Variants in SLC4A8 observed in about 807,000 individuals in gnomAD.
SLC4A8 encodes the protein solute carrier family 4 member 8.
Under a neutral mutation model 125.0 loss-of-function variants are expected in SLC4A8, and 40 were observed. That is an observed-to-expected ratio of 0.32 (90% CI 0.25 to 0.42). The LOEUF is 0.42. Among genes scored for constraint, SLC4A8 ranks in the 10% least tolerant of loss-of-function variants. The pLI is 1.00. For synonymous variants in SLC4A8, 456 were observed against 476.0 expected, an observed-to-expected ratio of 0.96 and a Z score of 0.55; for missense variants, 863 against 1,355.1, an observed-to-expected ratio of 0.64 and a Z score of 5.70.
chr12:51,417,748 C>A (rs1948714242), intron 1 of SLC4A8, among the ~76,000 whole-genome samples: 2 of 152,280 alleles, frequency 1.3e-5, no homozygotes, highest in African/African-American at 4.8e-5. Context: ...GAACTCCTGA[C>A]CTCGTGATCT....
chr12:51,448,385 A>G (rs144414568), intron 2 of SLC4A8, among the ~76,000 whole-genome samples: 1 of 152,386 alleles, frequency 6.6e-6, no homozygotes, highest in East Asian at 1.9e-4. Context: ...GGCCATGAAC[A>G]GAAACATGGA....
intron 16 of SLC4A8, among the ~76,000 whole-genome samples, chr12:51,475,521 A>G (rs1950831764): frequency 6.6e-6 from 1 of 152,246 alleles, no homozygotes; most frequent in African/African-American, 2.4e-5. Flanking sequence ...ATTCTGAGAC[A>G]CTTAACACAC....
At position 51,463,686 on chromosome 12, in the gene SLC4A8, A is replaced by G; in HGVS notation, c.1321A>G (p.Ser441Gly). Reference sequence around the variant, plus strand: ...AGAACAGGAACCACATGGGGGTCACAGTGGGCCAGAACTTCAGCGCACTGG... The same window carrying G: ...AGAACAGGAACCACATGGGGGTCACGGTGGGCCAGAACTTCAGCGCACTGG... Reference protein sequence around the residue: ...HIEQEPHGGHSGPELQRTGRL... With the variant: ...HIEQEPHGGHGGPELQRTGRL... Residue 441 changes from serine to glycine, a missense_variant, in exon 11 of 25, where the codon AGT becomes GGT. Physicochemically the swap from Ser to Gly is moderately conservative, Grantham distance 56. This residue lies in a region of SLC4A8 where 390 missense variants were observed against 634.4 expected (regional missense o/e 0.61). Coordinates refer to ENST00000453097, the MANE Select transcript of SLC4A8 (RefSeq NM_001039960.3). 6.2e-7 allele frequency: 1 copy of G among 1,613,974 alleles called. No homozygotes were observed. Among genetic ancestry groups the G allele is most frequent in the Non-Finnish European group, 8.5e-7 (1 of 1,179,820 alleles).
intron 16 of SLC4A8, among the ~76,000 whole-genome samples, chr12:51,483,612 A>T (rs1260880481): frequency 1.3e-5 from 2 of 151,560 alleles, no homozygotes; most frequent in African/African-American, 2.4e-5. Flanking sequence ...AATAAATGGC[A>T]TTTTTTTTGC....
At chr12:51,447,964 C>G (rs1049162682) in intron 2 of SLC4A8, among the ~76,000 whole-genome samples, 8 of 152,136 alleles carry the variant, frequency 5.3e-5, no homozygotes, top group Non-Finnish European at 1.2e-4. Context: ...TGTGATCCGC[C>G]TGCCTCGGCC....
At chr12:51,434,583 A>G (rs1321579897) in intron 1 of SLC4A8, among the ~76,000 whole-genome samples, 1 of 152,210 alleles carries the variant, frequency 6.6e-6, no homozygotes, top group Non-Finnish European at 1.5e-5. Flanking sequence ...AAATTAAGGA[A>G]ACTAACAAAC....
rs1265331071 is a variant in SLC4A8 at position 51,512,746 on chromosome 12, A to G, written c.*5308A>G. The G allele has an allele frequency of 6.6e-6, 1 of 152,112 alleles. No homozygotes were observed. The highest frequency in any genetic ancestry group is 1.5e-5 in the Non-Finnish European group (1 of 68,022). 9.4% of individuals were successfully genotyped at this position (152,112 alleles called of 1,614,324 possible). ...TGTTACTACTAGTCTTTGTGTACCT[A>G]TCTGGAGGGACATTAAAAAAATATG... On this transcript the variant is annotated 3_prime_UTR_variant, in exon 25 of 25. Transcript: ENST00000453097.
At chr12:51,454,313 C>A (rs1592210919) in intron 5 of SLC4A8, among the ~76,000 whole-genome samples, 1 of 152,088 alleles carries the variant, frequency 6.6e-6, no homozygotes, top group South Asian at 2.1e-4. Context: ...CCCTACACAC[C>A]TGTGGGTGTT....
intron 14 of SLC4A8, among the ~76,000 whole-genome samples, chr12:51,472,076 C>A (rs115277656): frequency 6.6e-6 from 1 of 152,170 alleles, no homozygotes; most frequent in African/African-American, 2.4e-5. Flanking sequence ...TAGATTTCAA[C>A]TTAAGAGATT....
Position 51,410,871 on chromosome 12 carries a change from CTTTTCT to C in SLC4A8, c.-112+19388_-112+19393del, listed in dbSNP as rs1330617598. ...AACAATCTTTCTTTTCTTTTCTTTT[CTTTTCT>C]TTTTTTTTTTTTTTTGAGACAGGCT... On this transcript the variant is annotated intron_variant, in intron 1 of 24. Transcript: ENST00000358657. Among the ~76,000 whole-genome samples the C allele has an allele frequency of 3.3e-4, 44 of 131,498 alleles. 1 individual carries two copies. The highest frequency in any genetic ancestry group is 4.1e-3 in the Middle Eastern group (1 of 246). 86.3% of individuals were successfully genotyped at this position (131,498 alleles called of 152,430 possible). A position where few individuals can be genotyped will look rare whatever the true frequency, so the allele number is the denominator to read the frequency against.
chr12:51,392,680 C>T (rs529643168), intron 1 of SLC4A8: 10 of 152,078 alleles, frequency 6.6e-5, no homozygotes, highest in African/African-American at 2.4e-4. Context: ...GTTTTAAAAG[C>T]CCTCCGGGTG....
At position 51,508,123 on chromosome 12, in the gene SLC4A8, A is replaced by T. The variant is rs1938244907; in HGVS notation, c.*685A>T. 6.6e-6 allele frequency: 1 copy of T among 152,266 alleles called. No individual in the cohort carries two copies. Among genetic ancestry groups the T allele is most frequent in the African/African-American group, 2.4e-5 (1 of 41,470 alleles). 9.4% of individuals were successfully genotyped at this position (152,266 alleles called of 1,614,324 possible). A position where few individuals can be genotyped will look rare whatever the true frequency, so the allele number is the denominator to read the frequency against. The stretch of plus-strand genomic sequence containing the variant: ...GCATAACTGGCAAGAATCTTGGATG[A>T]TACAAGAGCCAAGAAGGGACATTTG... On this transcript the variant is annotated 3_prime_UTR_variant, in exon 25 of 25. Coordinates refer to ENST00000453097, the MANE Select transcript of SLC4A8 (RefSeq NM_001039960.3).
At chr12:51,455,773 C>A (rs1950129774) in intron 5 of SLC4A8, among the ~76,000 whole-genome samples, 1 of 152,160 alleles carries the variant, frequency 6.6e-6, no homozygotes, top group African/African-American at 2.4e-5. Context: ...CATTGGGCCC[C>A]CCTCTTTTTC....
At position 51,443,745 on chromosome 12, in the gene SLC4A8, T is replaced by C. The variant is rs1287488761; in HGVS notation, c.130+2956T>C. On this transcript the variant is annotated intron_variant, in intron 2 of 24. Coordinates refer to ENST00000453097, the MANE Select transcript of SLC4A8 (RefSeq NM_001039960.3). ...CATGTGAGATTCACCTCTGCAGTTA[T>C]TGACTTTGAGTTAACCTGTAAGCCC... 2.6e-5 allele frequency among the ~76,000 whole-genome samples: 4 copies of C among 152,230 alleles called. No homozygotes were observed. The South Asian group carries it at 6.2e-4, about 24-fold the overall frequency.
chr12:51,514,203 C>G lies in SLC4A8; in HGVS notation c.*6765C>G, dbSNP rs1938458302. 6.6e-6 allele frequency: 1 copy of G among 152,650 alleles called. No individual in the cohort carries two copies. The highest frequency in any genetic ancestry group is 2.4e-5 in the African/African-American group (1 of 41,454). 9.5% of individuals were successfully genotyped at this position (152,650 alleles called of 1,614,324 possible). A position where few individuals can be genotyped will look rare whatever the true frequency, so the allele number is the denominator to read the frequency against. ...AAACAGTTGTCTTTGCCAATTTGTT[C>G]CTGGATTTTCCTTGAACTTCTCAGG... On this transcript the variant is annotated 3_prime_UTR_variant, in exon 25 of 25. Coordinates refer to ENST00000453097, the MANE Select transcript of SLC4A8 (RefSeq NM_001039960.3).
intron 1 of SLC4A8, among the ~76,000 whole-genome samples, chr12:51,410,719 C>T (rs550062536): frequency 7.2e-5 from 11 of 152,224 alleles, no homozygotes; most frequent in African/African-American, 2.4e-4. Context: ...CTCGGCCTCC[C>T]AAAGTGTTGG....
At chr12:51,428,123 C>T (rs1949061240) in intron 1 of SLC4A8, among the ~76,000 whole-genome samples, 1 of 152,114 alleles carries the variant, frequency 6.6e-6, no homozygotes, top group African/African-American at 2.4e-5. Flanking sequence ...TCCCTCTGCC[C>T]AGGATGCTGT....
chr12:51,405,921 G>A (rs1592142263), intron 1 of SLC4A8, among the ~76,000 whole-genome samples: 1 of 152,334 alleles, frequency 6.6e-6, no homozygotes. Context: ...ATGTCATGAT[G>A]CCTATAATAA....
Position 51,442,515 on chromosome 12 carries a change from G to A in SLC4A8, c.130+1726G>A, listed in dbSNP as rs182372549. Among the ~76,000 whole-genome samples the A allele has an allele frequency of 1.7e-3, 254 of 152,258 alleles. 1 individual carries two copies. The highest frequency in any genetic ancestry group is 5.9e-3 in the African/African-American group (244 of 41,530). ...CACGGAGATCAGCTGAGTAACTGGCGGTGGGAGCAGCTTCTCCAGATGACA... is the reference window on the plus strand; with the variant it reads ...CACGGAGATCAGCTGAGTAACTGGCAGTGGGAGCAGCTTCTCCAGATGACA... On this transcript the variant is annotated intron_variant, in intron 2 of 24. Transcript: ENST00000453097.
Sources: gnomAD v4.1 joint callset for allele counts (sites outside exome capture counted in the v4.1 genomes callset) on GRCh38, gnomAD v4.1.1 for gene constraint, gnomAD v4.1.1 regional missense constraint, MANE v1.5 for transcripts, NCBI Gene and HGNC (gene_info 2026-07-23, HGNC 2026-07-21) for gene names.